Variants in LRRC53 observed in about 807,000 individuals in gnomAD.
The protein encoded by LRRC53 is leucine-rich repeat-containing protein 53.
Under a neutral mutation model 13.6 loss-of-function variants are expected in LRRC53, and 25 were observed. That is an observed-to-expected ratio of 1.83 (90% CI 1.34 to 2.56). LRRC53 has a LOEUF of 2.56. Among genes scored for constraint, LRRC53 ranks in the 30% most tolerant of loss-of-function variants. The pLI is 0.00. For synonymous variants in LRRC53, 204 were observed against 109.8 expected (o/e 1.86, Z -5.37); for missense variants, 527 against 275.8 (o/e 1.91, Z -6.45).
the LRRC53 span, among the ~76,000 whole-genome samples, chr1:74,520,188 T>C: frequency 6.6e-6 from 1 of 151,912 alleles, no homozygotes; most frequent in Non-Finnish European, 1.5e-5. Context: ...AAGTCCATAG[T>C]GTCATTCTTA....
At chr1:74,473,238 T>C (rs1007358324) in intron 4 of LRRC53, among the ~76,000 whole-genome samples, 3 of 152,144 alleles carry the variant, frequency 2.0e-5, no homozygotes, top group East Asian at 1.9e-4. Flanking sequence ...CTTATAACTT[T>C]TACAGATGAA....
chr1:74,500,221 A>G (rs1398150446), intron 1 of LRRC53, among the ~76,000 whole-genome samples: 3 of 151,974 alleles, frequency 2.0e-5, no homozygotes, highest in Non-Finnish European at 4.4e-5. Context: ...TAATGATTTC[A>G]TTGTTTTATA....
chr1:74,510,100 G>A (rs1670108698), intron 1 of LRRC53, among the ~76,000 whole-genome samples: 2 of 152,022 alleles, frequency 1.3e-5, no homozygotes, highest in South Asian at 4.1e-4. Flanking sequence ...TTTTGTAAAA[G>A]GTAGACAGTT....
chr1:74,516,216 A>G (rs1169535698), upstream of LRRC53, among the ~76,000 whole-genome samples: 1 of 152,198 alleles, frequency 6.6e-6, no homozygotes, highest in Non-Finnish European at 1.5e-5. Flanking sequence ...TTAGCCAGGA[A>G]AAAAAATTTT....
intron 1 of LRRC53, among the ~76,000 whole-genome samples, chr1:74,503,040 T>C (rs1159147732): frequency 6.6e-6 from 1 of 152,188 alleles, no homozygotes; most frequent in Non-Finnish European, 1.5e-5. Flanking sequence ...TGGAACTGAG[T>C]ACACTGTAAA....
At chr1:74,472,542 A>G (rs1667986205) in intron 4 of LRRC53, among the ~76,000 whole-genome samples, 1 of 152,122 alleles carries the variant, frequency 6.6e-6, no homozygotes, top group Non-Finnish European at 1.5e-5. Flanking sequence ...TGGCTATAGT[A>G]ATTTTTTCCT....
chr1:74,504,227 A>C (rs1343800464), intron 1 of LRRC53, among the ~76,000 whole-genome samples: 1 of 152,220 alleles, frequency 6.6e-6, no homozygotes, highest in Middle Eastern at 3.2e-3. Flanking sequence ...CTGTGATGAA[A>C]GGTGATAGGG....
chr1:74,520,683 C>A, the LRRC53 span, among the ~76,000 whole-genome samples: 2 of 151,782 alleles, frequency 1.3e-5, no homozygotes, highest in Non-Finnish European at 2.9e-5. Context: ...ATTTTTAAGA[C>A]ACTGAGAACA....
In LRRC53 at chr1:74,470,365, ATATTTTTCTCTTCTTTCCCTAC is replaced by A. The variant is rs1040937929; in HGVS notation, c.3235_3256del (p.Val1079CysfsTer12). 2 of 400,510 alleles carry A rather than the reference ATATTTTTCTCTTCTTTCCCTAC, an allele frequency of 5.0e-6. No homozygotes were observed. Among genetic ancestry groups the A allele is most frequent in the African/African-American group, 4.1e-5 (2 of 48,674 alleles). 24.8% of individuals were successfully genotyped at this position (400,510 alleles called of 1,614,324 possible). A position where few individuals can be genotyped will look rare whatever the true frequency, so the allele number is the denominator to read the frequency against. On this transcript the variant is annotated frameshift_variant, in exon 5 of 5. Coordinates refer to ENST00000294635, the MANE Select transcript of LRRC53 (RefSeq NM_001382280.1). LOFTEE classifies it low-confidence loss of function (END_TRUNC). ...AGAATCTGTCTTGCTTTCATCAAGC[ATATTTTTCTCTTCTTTCCCTAC>A]TATTTTTATCTCTAGTGCTTCAGTG...
the LRRC53 span, among the ~76,000 whole-genome samples, chr1:74,535,275 G>C: frequency 6.6e-6 from 1 of 152,104 alleles, no homozygotes; most frequent in African/African-American, 2.4e-5. Flanking sequence ...TTCGACACCA[G>C]CCTGACCAAC....
the LRRC53 span, among the ~76,000 whole-genome samples, chr1:74,536,653 T>A: frequency 4.6e-5 from 7 of 152,122 alleles, no homozygotes; most frequent in Non-Finnish European, 2.9e-5. Context: ...AAATAAAATT[T>A]CATTTTACAT....
chr1:74,478,381 G>A (rs947443805), intron 3 of LRRC53, among the ~76,000 whole-genome samples: 2 of 151,828 alleles, frequency 1.3e-5, no homozygotes, highest in African/African-American at 4.8e-5. Flanking sequence ...AAAACTTTTG[G>A]AATCTTCTAG....
chr1:74,521,594 C>T, the LRRC53 span, among the ~76,000 whole-genome samples: 870 of 151,984 alleles, frequency 5.7e-3, 4 homozygotes, highest in Non-Finnish European at 9.9e-3. Context: ...CCTTTTTCTG[C>T]GTTCCTTTAT....
the LRRC53 span, among the ~76,000 whole-genome samples, chr1:74,522,636 A>ATG: frequency 0.021 from 3,160 of 151,486 alleles, 111 homozygotes; most frequent in African/African-American, 0.071. Flanking sequence ...CCTAAGGTGT[A>ATG]TGTGTGTGTG....
At chr1:74,489,855 A>G (rs182886209) in intron 1 of LRRC53, among the ~76,000 whole-genome samples, 38 of 152,150 alleles carry the variant, frequency 2.5e-4, no homozygotes, top group Non-Finnish European at 1.3e-4. Flanking sequence ...AAACATGCAC[A>G]CTACTTGAAA....
chr1:74,527,431 G>A, the LRRC53 span, among the ~76,000 whole-genome samples: 20 of 152,334 alleles, frequency 1.3e-4, no homozygotes, highest in African/African-American at 4.8e-4. Context: ...ATTAGATGGA[G>A]TGGTAAATGA....
At chr1:74,515,498 TTTGACTGAAGTTTCTCTGATGGTTGCTG>T (rs1191436190), upstream of LRRC53, among the ~76,000 whole-genome samples, 2 of 152,182 alleles carry the variant, frequency 1.3e-5, no homozygotes, top group African/African-American at 4.8e-5. Context: ...GGGTGTGCTA[TTTGACTGAAGTTTCTCTGATGGTTGCTG>T]TTGGCAACCA....
chr1:74,516,008 G>A (rs899490155), upstream of LRRC53, among the ~76,000 whole-genome samples: 3 of 152,178 alleles, frequency 2.0e-5, no homozygotes, highest in Non-Finnish European at 4.4e-5. Context: ...TAGTACTGAT[G>A]TCTTTAGGAG....
At chr1:74,534,360 T>C in the LRRC53 span, among the ~76,000 whole-genome samples, 2 of 152,196 alleles carry the variant, frequency 1.3e-5, no homozygotes, top group African/African-American at 4.8e-5. Flanking sequence ...CCATCTGAAG[T>C]CTTCTTTGGA....
Sources: gnomAD v4.1 joint callset for allele counts (sites outside exome capture counted in the v4.1 genomes callset) on GRCh38, gnomAD v4.1.1 for gene constraint, MANE v1.5 for transcripts, NCBI Gene and HGNC (gene_info 2026-07-23, HGNC 2026-07-21) for gene names.